Variants in DLC1 observed in about 807,000 individuals in gnomAD.
DLC1 encodes DLC1 Rho GTPase activating protein, also known as rho GTPase-activating protein 7.
DLC1 carries 54 observed loss-of-function variants against 140.3 expected under a neutral mutation model. The observed-to-expected ratio is 0.38, with a 90% CI of 0.31 to 0.48. DLC1 has a LOEUF of 0.48. DLC1 is among the 20% of genes least tolerant of loss of function. The pLI is 0.96. For missense variants in DLC1, 2,536 were observed against 1,907.0 expected (o/e 1.33, Z -6.14); for synonymous variants, 986 against 728.1 (o/e 1.35, Z -5.70).
chr8:13,579,339 AT>A lies in DLC1; in HGVS notation c.-126+25197del, dbSNP rs1563453882. 7.5e-4 allele frequency among the ~76,000 whole-genome samples: 38 copies of A among 50,664 alleles called. 5 individuals carry two copies. Among genetic ancestry groups the A allele is most frequent in the African/African-American group, 4.5e-3 (38 of 8,490 alleles). 33.2% of individuals were successfully genotyped at this position (50,664 alleles called of 152,430 possible). A position where few individuals can be genotyped will look rare whatever the true frequency, so the allele number is the denominator to read the frequency against. ...TTTATATATATATATATATATATAT[AT>A]ATATATATATATATATATATATTTT... On this transcript the variant is annotated intron_variant, in intron 1 of 1. Transcript: ENST00000631382.
chr8:13,587,624 T>TATAC (rs1554548659), intron 1 of DLC1, among the ~76,000 whole-genome samples: 1 of 141,010 alleles, frequency 7.1e-6, no homozygotes, highest in Non-Finnish European at 1.5e-5. Flanking sequence ...TATATATATA[T>TATAC]ACATTGCCTA....
chr8:13,552,635 A>G (rs964739987), intron 1 of DLC1, among the ~76,000 whole-genome samples: 1 of 151,622 alleles, frequency 6.6e-6, no homozygotes, highest in African/African-American at 2.4e-5. Context: ...ATGTGTTCAT[A>G]GAGTATTAAT....
chr8:13,492,138 C>A (rs983775172), intron 2 of DLC1, among the ~76,000 whole-genome samples: 1 of 152,048 alleles, frequency 6.6e-6, no homozygotes, highest in Non-Finnish European at 1.5e-5. Context: ...AAATTAAACA[C>A]CCCCAAAAAG....
chr8:13,527,918 G>C (rs1166045976), intron 1 of DLC1, among the ~76,000 whole-genome samples: 3 of 152,074 alleles, frequency 2.0e-5, no homozygotes, highest in Non-Finnish European at 4.4e-5. Context: ...GCATTATCCA[G>C]TTTTAACGCT....
At chr8:13,230,597 CTTT>C (rs548424340) in intron 5 of DLC1, among the ~76,000 whole-genome samples, 8 of 133,666 alleles carry the variant, frequency 6.0e-5, no homozygotes, top group Admixed American at 7.6e-5. Context: ...TTTCTTTTTT[CTTT>C]TTTTTTTTTT....
intron 5 of DLC1, among the ~76,000 whole-genome samples, chr8:13,131,851 C>G (rs935882608): frequency 2.0e-5 from 3 of 152,228 alleles, no homozygotes; most frequent in Non-Finnish European, 4.4e-5. Context: ...AGCCTGACCC[C>G]GTGTCCCCTC....
At chr8:13,455,747 A>G (rs927189417) in intron 2 of DLC1, among the ~76,000 whole-genome samples, 3 of 152,170 alleles carry the variant, frequency 2.0e-5, no homozygotes, top group Non-Finnish European at 4.4e-5. Flanking sequence ...AAGGTGGCTC[A>G]TGCATGTAAT....
intron 1 of DLC1, among the ~76,000 whole-genome samples, chr8:13,549,339 G>A (rs917956887): frequency 2.0e-5 from 3 of 152,068 alleles, no homozygotes; most frequent in Admixed American, 1.3e-4. Flanking sequence ...TTCTTTAGGA[G>A]CTCATTATCC....
chr8:13,100,904 G>GA, intron 8 of DLC1, 134 bp from the exon 9 acceptor site: 1 of 590,460 alleles, frequency 1.7e-6, no homozygotes, highest in Non-Finnish European at 2.5e-6. Flanking sequence ...TAATTTTAAA[G>GA]TTTTTTTTTT....
intron 5 of DLC1, among the ~76,000 whole-genome samples, chr8:13,184,949 C>G (rs1826266398): frequency 6.6e-6 from 1 of 152,032 alleles, no homozygotes. Flanking sequence ...CTTTGTAGGT[C>G]TGTAAGGACT....
chr8:13,406,152 G>A lies in DLC1; in HGVS notation c.1024-4533C>T, dbSNP rs143608860. ...CTCCCGAGTAGCTGGGATTATACGC[G>A]CCTGCCACCATCCCCAGCTAATTTT... On this transcript the variant is annotated intron_variant, in intron 2 of 17. Transcript: ENST00000276297. Among the ~76,000 whole-genome samples the A allele has an allele frequency of 8.8e-4, 122 of 138,400 alleles. 1 individual carries two copies. The highest frequency in any genetic ancestry group is 2.6e-3 in the African/African-American group (95 of 36,792). 90.8% of individuals were successfully genotyped at this position (138,400 alleles called of 152,430 possible). A position where few individuals can be genotyped will look rare whatever the true frequency, so the allele number is the denominator to read the frequency against.
Position 13,090,236 on chromosome 8 carries a change from C to G in DLC1, c.4074+16G>C. 6.2e-7 allele frequency: 1 copy of G among 1,609,022 alleles called. No homozygotes were observed. Among genetic ancestry groups the G allele is most frequent in the South Asian group, 1.1e-5 (1 of 90,272 alleles). On this transcript the variant is annotated intron_variant, in intron 15 of 17. Coordinates refer to ENST00000276297, the MANE Select transcript of DLC1 (RefSeq NM_182643.3). ...ACTCCTGGACTCAACTAGCCGACAA[C>G]AGGGTGAAGCCTTACCTTCTTATAG...
intron 4 of DLC1, among the ~76,000 whole-genome samples, chr8:13,309,117 C>G (rs781758271): frequency 2.0e-5 from 3 of 152,158 alleles, no homozygotes; most frequent in Non-Finnish European, 4.4e-5. Flanking sequence ...GGGGCTTTTG[C>G]TAATAGTTGC....
chr8:13,194,628 G>A (rs1402872087), intron 5 of DLC1, among the ~76,000 whole-genome samples: 1 of 152,172 alleles, frequency 6.6e-6, no homozygotes, highest in Admixed American at 6.5e-5. Context: ...CCATTCTGGG[G>A]ATTAAAAATA....
intron 2 of DLC1, among the ~76,000 whole-genome samples, chr8:13,428,279 A>C (rs2117379748): frequency 6.6e-6 from 1 of 151,860 alleles, no homozygotes; most frequent in East Asian, 1.9e-4. Context: ...TCAAGCATAC[A>C]TGTGGGTTTA....
intron 5 of DLC1, among the ~76,000 whole-genome samples, chr8:13,257,439 G>GAAAAAAAAAAAAAAAAAAAAAAAA (rs34452124): frequency 9.6e-6 from 1 of 104,468 alleles, no homozygotes. Flanking sequence ...CCTGTCTCAG[G>GAAAAAAAAAAAAAAAAAAAAAAAA]AAAAAAAAAA....
rs1259987086 is a variant in DLC1, at chr8:13,151,534, A to G, written c.1349-35877T>C. Reference sequence around the variant, plus strand: ...CATTTTCAAATCAATGGAATTAGTCAGTCTAGAAATGGACTGAAAAAGAAA... The same window carrying G: ...CATTTTCAAATCAATGGAATTAGTCGGTCTAGAAATGGACTGAAAAAGAAA... On this transcript the variant is annotated intron_variant, in intron 5 of 17. Transcript: ENST00000276297. 1.3e-5 allele frequency among the ~76,000 whole-genome samples: 2 copies of G among 152,216 alleles called. 1 individual carries two copies. Among genetic ancestry groups the G allele is most frequent in the South Asian group, 4.1e-4 (2 of 4,834 alleles).
At chr8:13,256,665 T>C (rs1043479366) in intron 5 of DLC1, among the ~76,000 whole-genome samples, 22 of 151,154 alleles carry the variant, frequency 1.5e-4, no homozygotes, top group Admixed American at 1.4e-3. Flanking sequence ...TAAGTGGGAG[T>C]TGAACAATGA....
At chr8:13,477,933 A>G (rs576688615) in intron 2 of DLC1, among the ~76,000 whole-genome samples, 5 of 152,344 alleles carry the variant, frequency 3.3e-5, no homozygotes, top group Non-Finnish European at 7.3e-5. Context: ...ACATATTAAA[A>G]AACCTCTAAG....
Sources: gnomAD v4.1 joint callset for allele counts (sites outside exome capture counted in the v4.1 genomes callset) on GRCh38, gnomAD v4.1.1 for gene constraint, MANE v1.5 for transcripts, NCBI Gene and HGNC (gene_info 2026-07-23, HGNC 2026-07-21) for gene names.